The following ZMYM3 variants were observed in gnomAD, a reference collection of about 807,000 sequenced individuals.
ZMYM3 encodes zinc finger MYM-type protein 3.
In ZMYM3, 6 loss-of-function variants were observed where a neutral mutation model predicts 94.2. That is an observed-to-expected ratio of 0.06 (90% CI 0.03 to 0.13). ZMYM3 has a LOEUF of 0.13. Among genes scored for constraint, ZMYM3 ranks in the 10% least tolerant of loss-of-function variants. ZMYM3 has a pLI of 1.00. For missense variants in ZMYM3, 664 were observed against 1,132.6 expected (o/e 0.59, Z 5.94); for synonymous variants, 420 against 426.5 (o/e 0.98, Z 0.19).
intron 2 of ZMYM3, chrX:71,251,988 G>T: frequency 2.2e-6 from 1 of 452,479 alleles, no homozygotes. Context: ...CCTGGATTCA[G>T]GTGGTTATAT....
intron 13 of ZMYM3, 127 bp from the exon 14 acceptor site, chrX:71,246,819 C>T (rs1259246454): frequency 1.7e-6 from 1 of 599,381 alleles, no homozygotes; most frequent in African/African-American, 2.3e-5. Flanking sequence ...GATTTGACCC[C>T]CTTGCCATCC....
intron 20 of ZMYM3, 23 bp downstream of exon 20, chrX:71,244,279 A>AC (rs750319528): frequency 4.5e-6 from 5 of 1,103,566 alleles, no homozygotes; most frequent in Non-Finnish European, 6.0e-6. Flanking sequence ...GCCTCCCCAC[A>AC]CCCCCCATCC....
chrX:71,241,801 A>C (rs1341196685), intron 23 of ZMYM3, among the ~76,000 whole-genome samples: 1 of 111,449 alleles, frequency 9.0e-6, no homozygotes, highest in Admixed American at 9.5e-5. Context: ...ATGGAAACCA[A>C]GGTGCAGTTG....
intron 5 of ZMYM3, 33 bp downstream of exon 5, chrX:71,250,399 G>A (rs1301662446): frequency 8.5e-7 from 1 of 1,173,048 alleles, no homozygotes; most frequent in East Asian, 3.0e-5. Flanking sequence ...CCAGATCCCT[G>A]CCCTCTGCAT....
Position 71,248,291 on chromosome X carries a change from A to T in ZMYM3, c.1846T>A (p.Cys616Ser). 9.1e-6 allele frequency: 11 copies of T among 1,205,955 alleles called. No homozygotes were observed. The highest frequency in any genetic ancestry group is 1.2e-5 in the Non-Finnish European group (11 of 892,236). Reference sequence around the variant, plus strand: ...TTGAAGTCCTCACAGCAATCACGGCAGCAGAACTGGAACACTTGGTCCTGA... The same window carrying T: ...TTGAAGTCCTCACAGCAATCACGGCTGCAGAACTGGAACACTTGGTCCTGA... ...DWQDQVFQFC[C>S]RDCCEDFKRL... The change falls in exon 11 of 25, where the codon TGC (cysteine) becomes AGC (serine). Residue 616 changes from cysteine to serine, a missense_variant. Cys to Ser is a moderately radical substitution (Grantham distance 112). This residue lies in a region of ZMYM3 where 159 missense variants were observed against 313.0 expected (regional missense o/e 0.51). Coordinates refer to ENST00000314425, the MANE Select transcript of ZMYM3 (RefSeq NM_201599.3).
chrX:71,241,355 G>A lies in ZMYM3; in HGVS notation c.3803-11C>T, dbSNP rs757768765. On this transcript the variant is annotated splice_polypyrimidine_tract_variant and intron_variant, in intron 23 of 24. Transcript: ENST00000314425. Reference sequence around the variant, plus strand: ...TTCCAGGACCCGTGTCTATAGGGGAGGGAAATGATTCAGACTCATTAAGAA... The same window carrying A: ...TTCCAGGACCCGTGTCTATAGGGGAAGGAAATGATTCAGACTCATTAAGAA... The A allele has an allele frequency of 6.0e-6, 7 of 1,158,625 alleles. No individual in the cohort carries two copies. The highest frequency in any genetic ancestry group is 8.1e-6 in the Non-Finnish European group (7 of 863,022).
intron 9 of ZMYM3, 80 bp downstream of exon 9, chrX:71,248,606 G>A (rs1262272655): frequency 4.4e-6 from 5 of 1,138,817 alleles, no homozygotes; most frequent in Non-Finnish European, 5.9e-6. Context: ...TCTTTGCTCT[G>A]CCCAGGCCTG....
In ZMYM3 at chrX:71,246,094, C is replaced by T; in HGVS notation, c.2577G>A (p.Glu859=). ...GCAGCACGATCACCTGTGGCTTCCACTCTTCTGTGGATAAGAAAGGGGTCT... is the reference window on the plus strand; with the variant it reads ...GCAGCACGATCACCTGTGGCTTCCATTCTTCTGTGGATAAGAAAGGGGTCT... ...EMKSKGSQTE[E]WKPQVIVLPI... Residue 859 remains glutamate (E), a synonymous_variant, in exon 16 of 25, where the codon GAG becomes GAA. Coordinates refer to ENST00000314425, the MANE Select transcript of ZMYM3 (RefSeq NM_201599.3). The T allele has an allele frequency of 8.3e-7, 1 of 1,208,531 alleles. No individual in the cohort carries two copies. Among genetic ancestry groups the T allele is most frequent in the Non-Finnish European group, 1.1e-6 (1 of 893,811 alleles).
rs2029909828 is a variant in ZMYM3, at chrX:71,240,747, G to A, written c.*169C>T. 2.0e-6 allele frequency: 1 copy of A among 490,309 alleles called. No homozygotes were observed. Among genetic ancestry groups the A allele is most frequent in the South Asian group, 3.9e-5 (1 of 25,544 alleles). The allele number at this position is 490,309 out of a possible 1,213,427, so 40.4% of individuals were successfully genotyped here. A position where few individuals can be genotyped will look rare whatever the true frequency, so the allele number is the denominator to read the frequency against. On this transcript the variant is annotated 3_prime_UTR_variant, in exon 25 of 25. Transcript: ENST00000314425. ...GGCCCCATGGTTGTCAAGTGGTACG[G>A]AAGAAGATAAAAGCCAGGGTTCCTA...
At chrX:71,242,628 A>G (rs963018086) in intron 22 of ZMYM3, among the ~76,000 whole-genome samples, 16 of 112,237 alleles carry the variant, frequency 1.4e-4, no homozygotes, top group African/African-American at 4.2e-4. Flanking sequence ...CCACACCTGC[A>G]TTTGGAACGC....
In ZMYM3 at chrX:71,241,281, C is replaced by T. The variant is rs1292972445; in HGVS notation, c.3866G>A (p.Arg1289His). 1.7e-6 allele frequency: 2 copies of T among 1,207,965 alleles called. No homozygotes were observed. Among genetic ancestry groups the T allele is most frequent in the African/African-American group, 1.7e-5 (1 of 57,597 alleles). The change falls in exon 24 of 25, where the codon CGC (arginine) becomes CAC (histidine). Residue 1289 changes from arginine (R) to histidine (H), a missense_variant. By Grantham distance (29) the Arg-to-His change is conservative (BLOSUM62 0). Transcript: ENST00000314425. ...EAPILEQRENRMNPLRCPVKF... is the reference protein window; with the variant it reads ...EAPILEQRENHMNPLRCPVKF... ...GACAGGGCAGCGGAGGGGATTCATG[C>T]GGTTCTCACGCTGCTCTAAGATAGG...
At chrX:71,242,537 A>T (rs753802230) in intron 22 of ZMYM3, 113 bp from the exon 23 acceptor site, 1 of 976,265 alleles carries the variant, frequency 1.0e-6, no homozygotes, top group African/African-American at 1.9e-5. Context: ...TTGGTGAGTA[A>T]CCTTTGTATA....
At chrX:71,252,553 C>A (rs1457111590) in intron 2 of ZMYM3, 36 bp downstream of exon 2, 1 of 1,132,306 alleles carries the variant, frequency 8.8e-7, no homozygotes, top group Non-Finnish European at 1.2e-6. Context: ...ACCACCCTCT[C>A]CCAGCCCTGA....
At chrX:71,247,309 C>A in intron 13 of ZMYM3, 36 bp downstream of exon 13, 1 of 1,150,610 alleles carries the variant, frequency 8.7e-7, no homozygotes, top group Non-Finnish European at 1.2e-6. Context: ...AGTCCAGGCT[C>A]CCTCTAACAG....
chrX:71,251,483 G>A (rs1569227271), intron 3 of ZMYM3, 75 bp downstream of exon 3: 1 of 1,115,539 alleles, frequency 9.0e-7, no homozygotes, highest in Non-Finnish European at 1.2e-6. Context: ...AACAACATCT[G>A]GGAGGGAAAA....
chrX:71,243,627 A>G (rs2030038502), intron 21 of ZMYM3: 1 of 418,277 alleles, frequency 2.4e-6, no homozygotes, highest in African/African-American at 2.5e-5. Flanking sequence ...TTCATTAAAA[A>G]AATATTTTTT....
rs2030488438 is a variant in ZMYM3 at position 71,251,750 on chromosome X, A to C, written c.668-149T>G. ...CCTGTGGCTTCTTGGGGCCCCTCTC[A>C]GGGTTACCTCAGGCTCTGTACTAAG... is the stretch of plus-strand genomic sequence containing the variant. On this transcript the variant is annotated intron_variant, in intron 2 of 24. Transcript: ENST00000314425. 3.8e-6 allele frequency: 4 copies of C among 1,057,559 alleles called. No homozygotes were observed. The East Asian group carries it at 1.5e-4, about 38-fold the overall frequency. 87.2% of individuals were successfully genotyped at this position (1,057,559 alleles called of 1,213,427 possible).
intron 6 of ZMYM3, 109 bp from the exon 7 acceptor site, chrX:71,249,788 C>T (rs1268163017): frequency 1.8e-6 from 2 of 1,110,051 alleles, no homozygotes; most frequent in African/African-American, 1.8e-5. Context: ...GACAGTGGGC[C>T]CAGGGACCCC....
rs752990692 is a variant in ZMYM3, at chrX:71,244,706, A to C, written c.3111+84T>G. 78 of 930,589 alleles carry C rather than the reference A, an allele frequency of 8.4e-5. No homozygotes were observed. In the African/African-American group the frequency reaches 1.4e-3, roughly 17 times the overall value. 76.7% of individuals were successfully genotyped at this position (930,589 alleles called of 1,213,427 possible). ...GAGAAAGGAGGTTAGGGAAGGTCAA[A>C]CTATGGTTGCTGGCTTGGCTCTCGC... On this transcript the variant is annotated intron_variant, in intron 19 of 24. Transcript: ENST00000314425.
Sources: gnomAD v4.1 joint callset for allele counts (sites outside exome capture counted in the v4.1 genomes callset) on GRCh38, gnomAD v4.1.1 for gene constraint, gnomAD v4.1.1 regional missense constraint, MANE v1.5 for transcripts, NCBI Gene and HGNC (gene_info 2026-07-23, HGNC 2026-07-21) for gene names.